Variants in CADM2 observed in about 807,000 individuals in gnomAD.
The protein encoded by CADM2 is immunoglobulin superfamily member 4D.
In CADM2, 12 loss-of-function variants were observed where a neutral mutation model predicts 49.8. That is an observed-to-expected ratio of 0.24 (90% CI 0.15 to 0.39). The LOEUF is 0.39. CADM2 is among the 10% of genes least tolerant of loss of function. The pLI is 1.00. For missense variants in CADM2, 378 were observed against 492.3 expected, an observed-to-expected ratio of 0.77 and a Z score of 2.20; for synonymous variants, 214 against 175.4, an observed-to-expected ratio of 1.22 and a Z score of -1.74.
intron 2 of CADM2, among the ~76,000 whole-genome samples, chr3:85,751,719 C>T (rs982375719): frequency 6.6e-6 from 1 of 152,138 alleles, no homozygotes; most frequent in Non-Finnish European, 1.5e-5. Context: ...TAATATATTT[C>T]TTAAAGGATC....
chr3:84,981,772 A>T (rs1221309940), intron 1 of CADM2, among the ~76,000 whole-genome samples: 1 of 152,090 alleles, frequency 6.6e-6, no homozygotes, highest in Admixed American at 6.6e-5. Flanking sequence ...GGAAAGAGTC[A>T]TCTTATTTTG....
At chr3:85,067,355 CAAAA>C (rs567600281) in intron 1 of CADM2, among the ~76,000 whole-genome samples, 1 of 151,310 alleles carries the variant, frequency 6.6e-6, no homozygotes, top group Non-Finnish European at 1.5e-5. Context: ...AAAGGAGAAA[CAAAA>C]AAACATGTTG....
chr3:85,582,101 T>G (rs985329891), intron 1 of CADM2, among the ~76,000 whole-genome samples: 1 of 152,026 alleles, frequency 6.6e-6, no homozygotes, highest in Non-Finnish European at 1.5e-5. Flanking sequence ...AATTTTTGTA[T>G]TTTTAGTAGA....
chr3:85,217,183 T>C (rs1298634247), intron 1 of CADM2, among the ~76,000 whole-genome samples: 1 of 151,846 alleles, frequency 6.6e-6, no homozygotes, highest in East Asian at 1.9e-4. Flanking sequence ...GAAATATCTT[T>C]ATTTTAGTCT....
intron 1 of CADM2, among the ~76,000 whole-genome samples, chr3:85,344,675 T>C (rs2030386974): frequency 6.6e-6 from 1 of 152,058 alleles, no homozygotes; most frequent in South Asian, 2.1e-4. Context: ...TTATTAAATG[T>C]ATATTACATT....
intron 1 of CADM2, among the ~76,000 whole-genome samples, chr3:85,398,166 C>T (rs2034892060): frequency 6.6e-6 from 1 of 152,082 alleles, no homozygotes; most frequent in African/African-American, 2.4e-5. Context: ...CTTCCCCCAC[C>T]CCATGACAGG....
At chr3:85,075,547 G>A (rs775581905) in intron 1 of CADM2, among the ~76,000 whole-genome samples, 6 of 152,190 alleles carry the variant, frequency 3.9e-5, no homozygotes, top group East Asian at 1.9e-4. Flanking sequence ...GAGGGGTATC[G>A]TCAACTATTT....
intron 1 of CADM2, among the ~76,000 whole-genome samples, chr3:85,545,098 G>C (rs1037445389): frequency 1.3e-5 from 2 of 152,212 alleles, no homozygotes; most frequent in East Asian, 3.9e-4. Flanking sequence ...AAGACACAAC[G>C]GAAGAAAGCA....
chr3:86,024,628 A>C (rs541382537), intron 8 of CADM2, among the ~76,000 whole-genome samples: 2 of 152,250 alleles, frequency 1.3e-5, no homozygotes, highest in African/African-American at 2.4e-5. Context: ...TACATCTATA[A>C]AAACAATAAA....
intron 1 of CADM2, among the ~76,000 whole-genome samples, chr3:85,563,807 G>C (rs2107193618): frequency 6.6e-6 from 1 of 152,192 alleles, no homozygotes; most frequent in African/African-American, 2.4e-5. Context: ...TGTTCTGAAA[G>C]GACTATCATG....
At chr3:85,622,496 A>G (rs541391631) in intron 1 of CADM2, among the ~76,000 whole-genome samples, 1 of 152,228 alleles carries the variant, frequency 6.6e-6, no homozygotes, top group South Asian at 2.1e-4. Context: ...TGCTTGTATC[A>G]TGTGTCTGTT....
rs533289384 is a variant in CADM2, at chr3:85,310,185, T to G, written c.61+350517T>G. On this transcript the variant is annotated intron_variant, in intron 1 of 9. Coordinates refer to ENST00000383699, the MANE Select transcript of CADM2 (RefSeq NM_001167675.2). ...CAAAACGAATACATTTATTCTTCTT[T>G]TCTTGTTTCAAACTTAAAGCATTAT... 6.6e-5 allele frequency among the ~76,000 whole-genome samples: 10 copies of G among 152,332 alleles called. 1 individual carries two copies. The South Asian group carries it at 1.4e-3, about 22-fold the overall frequency.
intron 1 of CADM2, among the ~76,000 whole-genome samples, chr3:85,508,623 G>T (rs930982353): frequency 1.3e-5 from 2 of 152,176 alleles, no homozygotes; most frequent in African/African-American, 2.4e-5. Flanking sequence ...TAGAAGATTA[G>T]TATCTCCTTA....
intron 1 of CADM2, among the ~76,000 whole-genome samples, chr3:85,110,710 A>C (rs1364683568): frequency 6.6e-6 from 1 of 151,816 alleles, no homozygotes; most frequent in African/African-American, 2.4e-5. Flanking sequence ...GAAAAATTAC[A>C]TTCATTTTTT....
intron 1 of CADM2, among the ~76,000 whole-genome samples, chr3:85,163,649 A>G (rs893296532): frequency 1.2e-4 from 19 of 152,208 alleles, no homozygotes; most frequent in Non-Finnish European, 2.4e-4. Context: ...TTGTGTTAAA[A>G]CATAAAGACT....
chr3:85,445,935 A>G (rs1427055199), intron 1 of CADM2, among the ~76,000 whole-genome samples: 1 of 152,186 alleles, frequency 6.6e-6, no homozygotes, highest in Non-Finnish European at 1.5e-5. Flanking sequence ...TTGCAAATAT[A>G]TGCATCCTGA....
At chr3:85,888,387 A>C (rs571142172) in intron 5 of CADM2, among the ~76,000 whole-genome samples, 6 of 152,310 alleles carry the variant, frequency 3.9e-5, no homozygotes, top group African/African-American at 1.4e-4. Flanking sequence ...ATTTTTGCTC[A>C]TATGAAGAAA....
intron 8 of CADM2, among the ~76,000 whole-genome samples, chr3:86,001,645 A>C (rs7619493): frequency 0.17 from 26,274 of 151,970 alleles, 2,317 homozygotes; most frequent in South Asian, 0.24. Flanking sequence ...ACATGAAAGG[A>C]AATAAGTGCA....
chr3:85,191,537 G>A (rs2041208251), intron 1 of CADM2, among the ~76,000 whole-genome samples: 1 of 152,042 alleles, frequency 6.6e-6, no homozygotes, highest in Non-Finnish European at 1.5e-5. Context: ...TTTACTCAAA[G>A]TTGGGATTGT....
Sources: gnomAD v4.1 joint callset for allele counts (sites outside exome capture counted in the v4.1 genomes callset) on GRCh38, gnomAD v4.1.1 for gene constraint, MANE v1.5 for transcripts, NCBI Gene and HGNC (gene_info 2026-07-23, HGNC 2026-07-21) for gene names.